The following RBFOX1 variants were observed in gnomAD, a reference collection of about 807,000 sequenced individuals.
RBFOX1 encodes RNA binding protein fox-1 homolog 1.
RBFOX1 carries 8 observed loss-of-function variants against 57.7 expected under a neutral mutation model. The ratio of observed to expected loss-of-function variants is 0.14; its 90% CI spans 0.08 to 0.25. RBFOX1 has a LOEUF of 0.25. RBFOX1 is among the 10% of genes least tolerant of loss of function. RBFOX1 has a pLI of 1.00. For missense variants in RBFOX1, 611 were observed against 548.5 expected, an observed-to-expected ratio of 1.11 and a Z score of -1.14; for synonymous variants, 326 against 222.4, an observed-to-expected ratio of 1.47 and a Z score of -4.15.
At chr16:6,526,829 C>CAAAAAAAAAAAAAAAAAAAA (rs541468859) in intron 2 of RBFOX1, among the ~76,000 whole-genome samples, 6 of 32,890 alleles carry the variant, frequency 1.8e-4, no homozygotes, top group African/African-American at 6.5e-4. Flanking sequence ...GACTCTGTCT[C>CAAAAAAAAAAAAAAAAAAAA]AAAAAAAAAA....
In RBFOX1 at chr16:7,225,324, G is replaced by T. The variant is rs139825783; in HGVS notation, c.27+173226G>T. On this transcript the variant is annotated intron_variant, in intron 4 of 15. Transcript: ENST00000550418. ...TTGATGGGAGATAGCCGAATCATGGGGGCTGTTTTCCCCATACTGTCCTCA... is the reference window on the plus strand; with the variant it reads ...TTGATGGGAGATAGCCGAATCATGGTGGCTGTTTTCCCCATACTGTCCTCA... Among the ~76,000 whole-genome samples the T allele has an allele frequency of 4.6e-3, 704 of 152,098 alleles. 4 individuals carry two copies. Among genetic ancestry groups the T allele is most frequent in the African/African-American group, 0.015 (639 of 41,484 alleles).
At chr16:6,743,679 G>C (rs1018732764) in intron 3 of RBFOX1, among the ~76,000 whole-genome samples, 26 of 151,808 alleles carry the variant, frequency 1.7e-4, no homozygotes, top group African/African-American at 6.1e-4. Flanking sequence ...GGAGGCTGAG[G>C]CTGCACTGGG....
intron 4 of RBFOX1, among the ~76,000 whole-genome samples, chr16:7,235,412 G>C (rs1017920208): frequency 6.6e-6 from 1 of 152,210 alleles, no homozygotes; most frequent in African/African-American, 2.4e-5. Context: ...GTACTGAAAA[G>C]AACAGACAGA....
intron 1 of RBFOX1, among the ~76,000 whole-genome samples, chr16:6,033,240 G>A (rs147755329): frequency 6.6e-6 from 1 of 152,350 alleles, no homozygotes; most frequent in East Asian, 1.9e-4. Flanking sequence ...TAATTTGCCA[G>A]CATGTAGTGC....
At chr16:6,519,988 T>A (rs2096467104) in intron 2 of RBFOX1, among the ~76,000 whole-genome samples, 1 of 152,184 alleles carries the variant, frequency 6.6e-6, no homozygotes, top group Non-Finnish European at 1.5e-5. Flanking sequence ...ACTATCAGTC[T>A]GTCTTCCTTC....
chr16:6,945,398 T>C (rs547663924), intron 3 of RBFOX1, among the ~76,000 whole-genome samples: 3 of 149,868 alleles, frequency 2.0e-5, no homozygotes, highest in East Asian at 1.9e-4. Context: ...GTGCCATTTC[T>C]AGATGGCCAT....
At chr16:6,514,499 C>G (rs1023776935) in intron 2 of RBFOX1, among the ~76,000 whole-genome samples, 5 of 152,194 alleles carry the variant, frequency 3.3e-5, no homozygotes, top group African/African-American at 9.7e-5. Context: ...AAGCAGCCAT[C>G]CATTCACAGT....
Position 7,410,528 on chromosome 16 carries a change from A to G in RBFOX1, c.28-107619A>G, listed in dbSNP as rs373225149. On this transcript the variant is annotated intron_variant, in intron 4 of 15. Coordinates refer to ENST00000550418, the MANE Select transcript of RBFOX1 (RefSeq NM_018723.4). ...GAAACCCGGTCTCTACTAAAAATAC[A>G]AAATTAGCTGGGAGTGGTGGTGCGT... Among the ~76,000 whole-genome samples the G allele has an allele frequency of 2.0e-5, 3 of 152,262 alleles. No individual in the cohort carries two copies. In the South Asian group the frequency reaches 6.2e-4, roughly 32 times the overall value.
chr16:6,248,631 A>G (rs1177640608), intron 1 of RBFOX1, among the ~76,000 whole-genome samples: 5 of 152,112 alleles, frequency 3.3e-5, no homozygotes, highest in Admixed American at 6.6e-5. Context: ...TCACATTTTA[A>G]TACACTTTGG....
At chr16:5,876,959 A>C (rs887281528) in intron 4 of RBFOX1, among the ~76,000 whole-genome samples, 2 of 152,184 alleles carry the variant, frequency 1.3e-5, no homozygotes, top group African/African-American at 4.8e-5. Flanking sequence ...GTTGAAGGGG[A>C]GTGCTGGGAT....
chr16:7,376,468 C>G (rs545163418), intron 4 of RBFOX1, among the ~76,000 whole-genome samples: 1 of 152,196 alleles, frequency 6.6e-6, no homozygotes, highest in Admixed American at 6.5e-5. Context: ...TGAGGTCAAA[C>G]ATGCTGGGAG....
intron 4 of RBFOX1, among the ~76,000 whole-genome samples, chr16:7,201,917 G>A (rs1433362670): frequency 6.6e-6 from 1 of 152,148 alleles, no homozygotes; most frequent in African/African-American, 2.4e-5. Flanking sequence ...AGATGTACGA[G>A]GGATTTATTT....
At chr16:6,981,616 A>G (rs1272474982) in intron 3 of RBFOX1, among the ~76,000 whole-genome samples, 4 of 152,180 alleles carry the variant, frequency 2.6e-5, no homozygotes, top group Admixed American at 2.6e-4. Context: ...TGGGAGGCAA[A>G]GGAGGAGAGA....
intron 4 of RBFOX1, among the ~76,000 whole-genome samples, chr16:7,190,452 C>G (rs1016530221): frequency 6.6e-6 from 1 of 152,176 alleles, no homozygotes; most frequent in Non-Finnish European, 1.5e-5. Context: ...TCCAACTCTT[C>G]CACAAATTCC....
chr16:5,999,979 C>T (rs945511635), intron 4 of RBFOX1, among the ~76,000 whole-genome samples: 4 of 146,884 alleles, frequency 2.7e-5, no homozygotes, highest in African/African-American at 1.0e-4. Flanking sequence ...GAGCGGACCA[C>T]AGCTTTATAA....
intron 2 of RBFOX1, among the ~76,000 whole-genome samples, chr16:6,407,566 T>TGTGTCAGAGA (rs762554828): frequency 4.6e-5 from 1 of 21,938 alleles, no homozygotes; most frequent in African/African-American, 4.1e-4. Context: ...TGTGTGTGTG[T>TGTGTCAGAGA]GACAGAGAGA....
At chr16:7,469,135 C>T (rs138725701) in intron 4 of RBFOX1, among the ~76,000 whole-genome samples, 6 of 152,138 alleles carry the variant, frequency 3.9e-5, no homozygotes, top group East Asian at 3.9e-4. Context: ...GGGGTTTGAC[C>T]GTGTTAGCCA....
intron 14 of RBFOX1, among the ~76,000 whole-genome samples, chr16:7,700,308 C>T (rs749978302): frequency 5.9e-5 from 9 of 152,174 alleles, no homozygotes; most frequent in African/African-American, 1.4e-4. Flanking sequence ...TCCTCTCACC[C>T]TCACTGTAGC....
intron 1 of RBFOX1, among the ~76,000 whole-genome samples, chr16:5,317,019 G>C (rs1355556545): frequency 6.6e-6 from 1 of 152,164 alleles, no homozygotes; most frequent in African/African-American, 2.4e-5. Flanking sequence ...AGAACTCCAG[G>C]TTCTGGAGCC....
Sources: allele counts gnomAD v4.1 joint callset (sites outside exome capture counted in the v4.1 genomes callset), GRCh38; gene constraint gnomAD v4.1.1; transcripts MANE v1.5; gene names NCBI Gene and HGNC (gene_info 2026-07-23, HGNC 2026-07-21).